The following CNTLN variants were observed in gnomAD, a reference collection of about 807,000 sequenced individuals.
CNTLN encodes the protein centlein.
CNTLN carries 212 observed loss-of-function variants against 180.0 expected under a neutral mutation model. The observed-to-expected ratio is 1.18, with a 90% CI of 1.05 to 1.32. The LOEUF (loss-of-function observed/expected upper bound fraction) is 1.32. Among genes scored for constraint, CNTLN ranks in the 40% most tolerant of loss-of-function variants. CNTLN has a pLI of 0.00. For missense variants in CNTLN, 2,095 were observed against 1,610.9 expected, an observed-to-expected ratio of 1.30 and a Z score of -5.14; for synonymous variants, 722 against 563.1, an observed-to-expected ratio of 1.28 and a Z score of -3.99.
At chr9:17,342,236 G>C in intron 11 of CNTLN, 89 bp from the exon 12 acceptor site, 1 of 1,321,152 alleles carries the variant, frequency 7.6e-7, no homozygotes, top group South Asian at 1.3e-5. Context: ...TTGGTCAATA[G>C]ATATTTTTAA....
chr9:17,392,888 G>A (rs1355473851), intron 14 of CNTLN, among the ~76,000 whole-genome samples: 1 of 151,478 alleles, frequency 6.6e-6, no homozygotes, highest in East Asian at 1.9e-4. Context: ...ACTATTACAA[G>A]TAAAGTTTAG....
chr9:17,183,826 A>G (rs997310096), intron 2 of CNTLN, among the ~76,000 whole-genome samples: 5 of 152,096 alleles, frequency 3.3e-5, no homozygotes, highest in Non-Finnish European at 5.9e-5. Context: ...TTCTTATCCC[A>G]AAGGCATTTC....
At chr9:17,216,946 G>C (rs1823800499) in intron 2 of CNTLN, among the ~76,000 whole-genome samples, 1 of 152,202 alleles carries the variant, frequency 6.6e-6, no homozygotes, top group African/African-American at 2.4e-5. Context: ...TATTTTTGCT[G>C]AGCACTTTTC....
intron 9 of CNTLN, among the ~76,000 whole-genome samples, chr9:17,331,015 TAATTA>T (rs1257395795): frequency 6.6e-6 from 1 of 152,030 alleles, no homozygotes; most frequent in East Asian, 1.9e-4. Context: ...CCAAATTAGT[TAATTA>T]AATATATTAT....
chr9:17,363,605 CAA>C (rs945752036), intron 12 of CNTLN, among the ~76,000 whole-genome samples: 9 of 151,348 alleles, frequency 5.9e-5, no homozygotes, highest in African/African-American at 1.5e-4. Flanking sequence ...ATTTATTTGA[CAA>C]AGTCTAAAGT....
intron 5 of CNTLN, among the ~76,000 whole-genome samples, chr9:17,250,199 C>A (rs1219411193): frequency 1.3e-5 from 2 of 151,850 alleles, no homozygotes; most frequent in East Asian, 3.9e-4. Context: ...CTTCTGGTTA[C>A]TATTTTCATG....
intron 8 of CNTLN, among the ~76,000 whole-genome samples, chr9:17,312,381 TATAA>T (rs1563985007): frequency 1.3e-4 from 15 of 115,510 alleles, no homozygotes; most frequent in African/African-American, 5.2e-4. Flanking sequence ...TATATATATA[TATAA>T]TTTATTTATT....
intron 2 of CNTLN, among the ~76,000 whole-genome samples, chr9:17,163,814 G>C (rs1224679058): frequency 6.6e-6 from 1 of 152,162 alleles, no homozygotes; most frequent in African/African-American, 2.4e-5. Context: ...GATTGCTTGA[G>C]CTCAGGAGTT....
At chr9:17,198,601 A>T in intron 2 of CNTLN, among the ~76,000 whole-genome samples, 2 of 138,580 alleles carry the variant, frequency 1.4e-5, no homozygotes, top group African/African-American at 2.7e-5. Context: ...TTTGTATGTT[A>T]ATTTTTTTTT....
At chr9:17,182,707 C>T (rs1457456079) in intron 2 of CNTLN, among the ~76,000 whole-genome samples, 1 of 152,154 alleles carries the variant, frequency 6.6e-6, no homozygotes, top group African/African-American at 2.4e-5. Flanking sequence ...ATCCTTGTGC[C>T]ACTTCTCTTA....
At chr9:17,324,390 T>G (rs1401737627) in intron 8 of CNTLN, among the ~76,000 whole-genome samples, 1 of 152,208 alleles carries the variant, frequency 6.6e-6, no homozygotes, top group African/African-American at 2.4e-5. Flanking sequence ...CTATTTAAGA[T>G]AAAAAGAAAT....
chr9:17,193,533 G>A (rs973027305), intron 2 of CNTLN, among the ~76,000 whole-genome samples: 1 of 152,128 alleles, frequency 6.6e-6, no homozygotes, highest in South Asian at 2.1e-4. Flanking sequence ...TTTGACTCCA[G>A]GTCTCACATC....
At chr9:17,255,044 G>A (rs899095007) in intron 5 of CNTLN, among the ~76,000 whole-genome samples, 1 of 151,592 alleles carries the variant, frequency 6.6e-6, no homozygotes, top group Non-Finnish European at 1.5e-5. Flanking sequence ...AGTTGTAAAT[G>A]GAATTGTTTT....
Position 17,172,503 on chromosome 9 carries a change from T to C in CNTLN, c.449+29127T>C, listed in dbSNP as rs139568115. Among the ~76,000 whole-genome samples the C allele has an allele frequency of 5.3e-3, 801 of 152,310 alleles. 5 individuals carry two copies. Among genetic ancestry groups the C allele is most frequent in the African/African-American group, 0.018 (755 of 41,564 alleles). On this transcript the variant is annotated intron_variant, in intron 2 of 25. Coordinates refer to ENST00000380647, the MANE Select transcript of CNTLN (RefSeq NM_017738.4). ...TTAGACTCTTGAGACCTCTTTGGGC[T>C]ATTTTGCTTATGGATAACTTTCTAG... is the stretch of plus-strand genomic sequence containing the variant.
At chr9:17,199,046 G>A (rs1002984869) in intron 2 of CNTLN, among the ~76,000 whole-genome samples, 2 of 152,036 alleles carry the variant, frequency 1.3e-5, no homozygotes, top group Admixed American at 1.3e-4. Context: ...TATATACTCA[G>A]TAATGGGATT....
chr9:17,266,472 T>C (rs993446692), intron 5 of CNTLN, among the ~76,000 whole-genome samples: 1 of 152,116 alleles, frequency 6.6e-6, no homozygotes, highest in Non-Finnish European at 1.5e-5. Context: ...GTGGTCAATT[T>C]TGGAATAGGT....
intron 2 of CNTLN, among the ~76,000 whole-genome samples, chr9:17,195,783 C>T (rs1175213066): frequency 6.6e-6 from 1 of 151,968 alleles, no homozygotes; most frequent in African/African-American, 2.4e-5. Flanking sequence ...AAGAAACTCT[C>T]TTCCCTGCAT....
At chr9:17,136,849 A>T (rs1301538146) in intron 1 of CNTLN, among the ~76,000 whole-genome samples, 1 of 152,146 alleles carries the variant, frequency 6.6e-6, no homozygotes, top group Non-Finnish European at 1.5e-5. Flanking sequence ...TCATCTGCAG[A>T]CCTCACCCTT....
intron 3 of CNTLN, among the ~76,000 whole-genome samples, chr9:17,227,788 A>G (rs909862350): frequency 6.6e-6 from 1 of 152,076 alleles, no homozygotes; most frequent in Non-Finnish European, 1.5e-5. Flanking sequence ...AAATGTCATA[A>G]TTGGTACTAT....
Sources: gnomAD v4.1 joint callset for allele counts (sites outside exome capture counted in the v4.1 genomes callset) on GRCh38, gnomAD v4.1.1 for gene constraint, MANE v1.5 for transcripts, NCBI Gene and HGNC (gene_info 2026-07-23, HGNC 2026-07-21) for gene names.